Variants in TFB1M observed in about 807,000 individuals in gnomAD.
The protein encoded by TFB1M is dimethyladenosine transferase 1, mitochondrial.
In TFB1M, 27 loss-of-function variants were observed where a neutral mutation model predicts 31.1. The ratio of observed to expected loss-of-function variants is 0.87; its 90% confidence interval spans 0.64 to 1.20. TFB1M has a LOEUF of 1.20. Ranked by LOEUF, TFB1M falls within the 50% of genes most tolerant of loss-of-function variation. The probability of loss-of-function intolerance (pLI) is 0.00; values close to 1 mark genes in which losing one functional copy is unlikely to be tolerated. For synonymous variants in TFB1M, 166 were observed against 151.8 expected (o/e 1.09, Z -0.69); for missense variants, 394 against 418.7 (o/e 0.94, Z 0.51).
intron 4 of TFB1M, among the ~76,000 whole-genome samples, chr6:155,290,534 T>C (rs1286186545): frequency 1.3e-5 from 2 of 152,086 alleles, no homozygotes; most frequent in Non-Finnish European, 2.9e-5. Context: ...ATAGACTCTA[T>C]ATAAACTCTT....
At chr6:155,302,276 TA>T (rs1777463735) in intron 2 of TFB1M, among the ~76,000 whole-genome samples, 1 of 152,210 alleles carries the variant, frequency 6.6e-6, no homozygotes, top group African/African-American at 2.4e-5. Flanking sequence ...TGCCACATAG[TA>T]GGGCCCAAAT....
rs950152900 is a variant in TFB1M at position 155,297,120 on chromosome 6, A to G, written c.395-16T>C. The stretch of plus-strand genomic sequence containing the variant: ...TTTGGAGGATCTGGTGGCAGAGGAA[A>G]AAACAACCTGAAATGATTCCATCAA... On this transcript the variant is annotated splice_polypyrimidine_tract_variant and intron_variant, in intron 3 of 6. Coordinates refer to ENST00000367166, the MANE Select transcript of TFB1M (RefSeq NM_016020.4). 6.2e-7 allele frequency: 1 copy of G among 1,612,146 alleles called. No homozygotes were observed. The highest frequency in any genetic ancestry group is 8.5e-7 in the Non-Finnish European group (1 of 1,179,446).
At chr6:155,266,826 G>A (rs1784658221) in intron 5 of TFB1M, among the ~76,000 whole-genome samples, 2 of 131,442 alleles carry the variant, frequency 1.5e-5, no homozygotes, top group South Asian at 2.5e-4. Context: ...CAGGGTGGGC[G>A]ACAGAGCGAG....
rs1582878445 is a variant in TFB1M at position 155,305,222 on chromosome 6, ATATATATATATTAAATTATATATT to A, written c.285+5942_285+5965del. Among the ~76,000 whole-genome samples, 9 of 38,654 alleles carry A rather than the reference ATATATATATATTAAATTATATATT, an allele frequency of 2.3e-4. 2 individuals are homozygous for A. The highest frequency in any genetic ancestry group is 4.2e-4 in the African/African-American group (3 of 7,176). 25.4% of individuals were successfully genotyped at this position (38,654 alleles called of 152,430 possible). ...TATATATATATTAAATTATATATTT[ATATATATATATTAAATTATATATT>A]TATATATATATTAAATTATATATTT... On this transcript the variant is annotated intron_variant, in intron 2 of 6. Transcript: ENST00000367166.
At chr6:155,299,918 T>C (rs950995) in intron 2 of TFB1M, among the ~76,000 whole-genome samples, 20,783 of 152,230 alleles carry the variant, frequency 0.14, 1,617 homozygotes, top group Non-Finnish European at 0.19. Context: ...TTACAAACTG[T>C]ATCTCAATTT....
the TFB1M span, chr6:155,245,757 T>TTTTC: frequency 7.1e-7 from 1 of 1,403,640 alleles, no homozygotes; most frequent in Non-Finnish European, 9.7e-7. Flanking sequence ...CTTTTATAGT[T>TTTTC]TTTTTTTTTT....
At chr6:155,286,488 T>C in intron 4 of TFB1M, among the ~76,000 whole-genome samples, 1 of 13,940 alleles carries the variant, frequency 7.2e-5, no homozygotes, top group African/African-American at 3.2e-4. Flanking sequence ...TATGTGTGTG[T>C]ATATATATGT....
At chr6:155,244,608 C>T in the TFB1M span, 1 of 1,598,930 alleles carries the variant, frequency 6.3e-7, no homozygotes, top group Non-Finnish European at 8.5e-7. Context: ...AGCGTGGTGT[C>T]CTGAACTTCA....
chr6:155,240,660 T>C, the TFB1M span: 1 of 1,613,906 alleles, frequency 6.2e-7, no homozygotes, highest in Middle Eastern at 1.6e-4. Context: ...GCAGACCGCC[T>C]CCGCAAAGTC....
chr6:155,248,246 CT>C, the TFB1M span: 3 of 1,518,212 alleles, frequency 2.0e-6, no homozygotes, highest in Non-Finnish European at 2.7e-6. Flanking sequence ...CAGCCGTGCC[CT>C]GGGCCTGACA....
At chr6:155,295,714 T>C (rs938550880) in intron 4 of TFB1M, among the ~76,000 whole-genome samples, 3 of 152,174 alleles carry the variant, frequency 2.0e-5, no homozygotes, top group African/African-American at 7.2e-5. Context: ...TCAAAAATAT[T>C]CAGGGAATAA....
chr6:155,286,468 A>AAT (rs202019875), intron 4 of TFB1M, among the ~76,000 whole-genome samples: 2 of 147,366 alleles, frequency 1.4e-5, no homozygotes, highest in Admixed American at 6.8e-5. Flanking sequence ...TTGGGGACAA[A>AAT]ATATATATAT....
intron 5 of TFB1M, among the ~76,000 whole-genome samples, chr6:155,270,737 C>T (rs894682144): frequency 6.6e-6 from 1 of 152,174 alleles, no homozygotes; most frequent in Non-Finnish European, 1.5e-5. Context: ...CCTCACAAAG[C>T]TTATGTCTGC....
the TFB1M span, among the ~76,000 whole-genome samples, chr6:155,233,220 C>G: frequency 2.0e-5 from 3 of 152,180 alleles, no homozygotes; most frequent in African/African-American, 7.2e-5. Context: ...CCAAAACGCA[C>G]AGGAAAGTTG....
chr6:155,258,183 C>T (rs1784205050), intron 6 of TFB1M, 101 bp from the exon 7 acceptor site: 1 of 1,404,508 alleles, frequency 7.1e-7, no homozygotes, highest in South Asian at 1.2e-5. Flanking sequence ...AACACAGTTG[C>T]TGGCTACTGA....
the TFB1M span, among the ~76,000 whole-genome samples, chr6:155,248,923 G>A: frequency 5.9e-5 from 9 of 152,266 alleles, no homozygotes; most frequent in East Asian, 1.9e-4. Flanking sequence ...TGAGAAGAGC[G>A]TAAATTAAAC....
chr6:155,304,597 A>C (rs1777582388), intron 2 of TFB1M, among the ~76,000 whole-genome samples: 1 of 152,180 alleles, frequency 6.6e-6, no homozygotes, highest in Non-Finnish European at 1.5e-5. Context: ...TAAGCACATC[A>C]TGATGAAATT....
chr6:155,311,786 C>CA (rs748237620), intron 1 of TFB1M, among the ~76,000 whole-genome samples: 1 of 152,012 alleles, frequency 6.6e-6, no homozygotes. Flanking sequence ...AATCCAAAAG[C>CA]AAAAAGTGCT....
At chr6:155,286,010 T>C (rs1409978991) in intron 4 of TFB1M, among the ~76,000 whole-genome samples, 2 of 152,088 alleles carry the variant, frequency 1.3e-5, no homozygotes, top group East Asian at 3.8e-4. Flanking sequence ...CCAACAATGA[T>C]AGGGGAGCTC....
Sources: gnomAD v4.1 joint callset for allele counts (sites outside exome capture counted in the v4.1 genomes callset) on GRCh38, gnomAD v4.1.1 for gene constraint, MANE v1.5 for transcripts, NCBI Gene and HGNC (gene_info 2026-07-23, HGNC 2026-07-21) for gene names.